Variants in LPP observed in about 807,000 individuals in gnomAD.
The protein encoded by LPP is LIM domain containing preferred translocation partner in lipoma.
LPP carries 38 observed loss-of-function variants against 60.4 expected under a neutral mutation model. The ratio of observed to expected loss-of-function variants is 0.63; its 90% CI spans 0.49 to 0.83. LPP has a LOEUF of 0.83. LPP is among the 40% of genes least tolerant of loss of function. The pLI is 0.00. For missense variants in LPP, 902 were observed against 783.6 expected, an observed-to-expected ratio of 1.15 and a Z score of -1.80; for synonymous variants, 328 against 290.8, an observed-to-expected ratio of 1.13 and a Z score of -1.30.
intron 6 of LPP, among the ~76,000 whole-genome samples, chr3:188,607,237 G>A (rs1379396439): frequency 6.7e-6 from 1 of 149,340 alleles, no homozygotes; most frequent in East Asian, 2.0e-4. Flanking sequence ...CTTTCTTCTA[G>A]GAAATACCTC....
At position 188,884,936 on chromosome 3, in the gene LPP, CTT is replaced by C. The variant is rs1770488162; in HGVS notation, c.*10459_*10460del. 4.6e-6 allele frequency: 1 copy of C among 219,260 alleles called. No individual in the cohort carries two copies. The highest frequency in any genetic ancestry group is 1.9e-4 in the South Asian group (1 of 5,398). 13.6% of individuals were successfully genotyped at this position (219,260 alleles called of 1,614,324 possible). On this transcript the variant is annotated 3_prime_UTR_variant, in exon 12 of 12. Transcript: ENST00000617246. ...GATTTGGCCTTTGCCATTTGATAGA[CTT>C]TGCTTCCCAGGATGCTGTCATTTTG...
At chr3:188,375,684 G>GT (rs1201366407) in intron 3 of LPP, among the ~76,000 whole-genome samples, 5 of 151,944 alleles carry the variant, frequency 3.3e-5, no homozygotes, top group Admixed American at 6.6e-5. Context: ...TTTTTGAAGG[G>GT]TTTTTTTGTG....
chr3:188,757,940 A>G (rs1268135583), intron 8 of LPP, among the ~76,000 whole-genome samples: 1 of 136,344 alleles, frequency 7.3e-6, no homozygotes, highest in Non-Finnish European at 1.5e-5. Context: ...TGCCATATGA[A>G]ATAGTTTTGT....
chr3:188,421,753 G>T (rs886821920), intron 4 of LPP, among the ~76,000 whole-genome samples: 1 of 152,052 alleles, frequency 6.6e-6, no homozygotes, highest in African/African-American at 2.4e-5. Context: ...TAAGCTTCTT[G>T]TATTCCTTAA....
intron 7 of LPP, among the ~76,000 whole-genome samples, chr3:188,659,810 G>GCA (rs139762080): frequency 0.098 from 12,541 of 128,468 alleles, 1,010 homozygotes; most frequent in African/African-American, 0.23. Flanking sequence ...TAGATCCTAT[G>GCA]CACACACACA....
chr3:188,717,966 T>C (rs1476819091), intron 8 of LPP, among the ~76,000 whole-genome samples: 1 of 152,160 alleles, frequency 6.6e-6, no homozygotes, highest in African/African-American at 2.4e-5. Flanking sequence ...TACAGGCATA[T>C]GCCAGCATGC....
At chr3:188,437,614 A>G (rs1479557133) in intron 4 of LPP, among the ~76,000 whole-genome samples, 1 of 152,208 alleles carries the variant, frequency 6.6e-6, no homozygotes, top group Non-Finnish European at 1.5e-5. Flanking sequence ...CTAAAGATAG[A>G]CATAATTTTG....
chr3:188,616,803 A>G (rs535011516), intron 7 of LPP, among the ~76,000 whole-genome samples: 1 of 152,240 alleles, frequency 6.6e-6, no homozygotes, highest in East Asian at 1.9e-4. Context: ...AGTTTTGCAT[A>G]TATTTTGGTA....
chr3:188,279,985 C>T (rs73190793), intron 2 of LPP, among the ~76,000 whole-genome samples: 3 of 152,318 alleles, frequency 2.0e-5, no homozygotes, highest in Non-Finnish European at 4.4e-5. Flanking sequence ...TTACTACCTT[C>T]ACCCTGTGTT....
Position 188,875,978 on chromosome 3 carries a change from A to C in LPP, c.*1499A>C, listed in dbSNP as rs1383369892. On this transcript the variant is annotated 3_prime_UTR_variant, in exon 12 of 12. Transcript: ENST00000617246. The stretch of plus-strand genomic sequence containing the variant: ...AAATTATGGAGTATTTTAAGTCTAC[A>C]AAAAGGTATAAATAATAATATAATG... 2 of 182,904 alleles carry C rather than the reference A, an allele frequency of 1.1e-5. No individual in the cohort carries two copies. The highest frequency in any genetic ancestry group is 4.7e-5 in the African/African-American group (2 of 42,472). 11.3% of individuals were successfully genotyped at this position (182,904 alleles called of 1,614,324 possible).
chr3:188,504,080 G>A (rs1812755712), intron 5 of LPP, among the ~76,000 whole-genome samples: 1 of 152,088 alleles, frequency 6.6e-6, no homozygotes, highest in African/African-American at 2.4e-5. Flanking sequence ...GCATACTTTG[G>A]TATAGTTGAT....
intron 2 of LPP, among the ~76,000 whole-genome samples, chr3:188,335,895 G>A (rs935385080): frequency 2.0e-5 from 3 of 152,012 alleles, no homozygotes; most frequent in Non-Finnish European, 4.4e-5. Flanking sequence ...AAAGACTTCC[G>A]CTTGCAATTA....
intron 8 of LPP, among the ~76,000 whole-genome samples, chr3:188,734,450 C>G (rs1250111155): frequency 6.6e-6 from 1 of 152,224 alleles, no homozygotes; most frequent in Non-Finnish European, 1.5e-5. Flanking sequence ...AATACCCCCA[C>G]TTAACTTGCT....
At chr3:188,741,344 C>A (rs1370063767) in intron 8 of LPP, among the ~76,000 whole-genome samples, 1 of 151,954 alleles carries the variant, frequency 6.6e-6, no homozygotes, top group Non-Finnish European at 1.5e-5. Flanking sequence ...GGTTTTAGAG[C>A]AAATCTTCAT....
chr3:188,193,699 G>T lies in LPP; in HGVS notation c.-189-31706G>T, dbSNP rs149086854. On this transcript the variant is annotated intron_variant, in intron 1 of 11. Coordinates refer to ENST00000617246, the MANE Select transcript of LPP (RefSeq NM_001375462.1). ...ATGACTGCTTTGCCATAAGAACTTC[G>T]CTGGCTATGGGAAAATGTGTGGTTG... Among the ~76,000 whole-genome samples, 14 of 152,262 alleles carry T rather than the reference G, an allele frequency of 9.2e-5. 1 individual carries two copies. Among genetic ancestry groups the T allele is most frequent in the African/African-American group, 3.1e-4 (13 of 41,562 alleles).
intron 7 of LPP, among the ~76,000 whole-genome samples, chr3:188,659,956 A>G (rs1269870999): frequency 6.6e-6 from 1 of 151,818 alleles, no homozygotes; most frequent in Admixed American, 6.6e-5. Flanking sequence ...TTTTCACTTT[A>G]TGTGTAACAG....
intron 4 of LPP, among the ~76,000 whole-genome samples, chr3:188,470,521 A>G (rs1801596462): frequency 6.6e-6 from 1 of 152,144 alleles, no homozygotes; most frequent in Non-Finnish European, 1.5e-5. Flanking sequence ...TTTAGGATAG[A>G]CTGATGACTC....
At chr3:188,861,946 GA>G (rs1300384272) in intron 9 of LPP, among the ~76,000 whole-genome samples, 1 of 151,942 alleles carries the variant, frequency 6.6e-6, no homozygotes, top group African/African-American at 2.4e-5. Flanking sequence ...TTTTTTTATG[GA>G]AAAAAGTCCT....
Position 188,296,520 on chromosome 3 carries a change from T to G in LPP, c.-66-45143T>G, listed in dbSNP as rs557802719. On this transcript the variant is annotated intron_variant, in intron 2 of 11. Transcript: ENST00000617246. ...GTAGGTGATAATTTAGGAGGCTGATTGAAACTGAATTTAGCCTCTGCCTTA... is the reference window on the plus strand; with the variant it reads ...GTAGGTGATAATTTAGGAGGCTGATGGAAACTGAATTTAGCCTCTGCCTTA... Among the ~76,000 whole-genome samples the G allele has an allele frequency of 1.6e-4, 24 of 152,312 alleles. No individual in the cohort carries two copies. The South Asian group carries it at 5.0e-3, about 32-fold the overall frequency.
Sources: allele counts gnomAD v4.1 joint callset (sites outside exome capture counted in the v4.1 genomes callset), GRCh38; gene constraint gnomAD v4.1.1; transcripts MANE v1.5; gene names NCBI Gene and HGNC (gene_info 2026-07-23, HGNC 2026-07-21).